The following ZNRF3 variants were observed in gnomAD, a reference collection of about 807,000 sequenced individuals.
The protein encoded by ZNRF3 is zinc and ring finger 3, also known as E3 ubiquitin-protein ligase ZNRF3.
In ZNRF3, 23 loss-of-function variants were observed where a neutral mutation model predicts 72.5. The ratio of observed to expected loss-of-function variants is 0.32; its 90% CI spans 0.23 to 0.45. The LOEUF (loss-of-function observed/expected upper bound fraction) is 0.45, where lower values mean the gene tolerates loss of function less well. Among genes scored for constraint, ZNRF3 ranks in the 20% least tolerant of loss-of-function variants. The pLI, the probability that ZNRF3 is intolerant of heterozygous loss-of-function variation, is 1.00. For missense variants in ZNRF3, 1,169 were observed against 1,272.1 expected (o/e 0.92, Z 1.23); for synonymous variants, 610 against 545.3 (o/e 1.12, Z -1.65).
At chr22:28,910,524 G>A (rs1417251013) in intron 1 of ZNRF3, among the ~76,000 whole-genome samples, 3 of 152,194 alleles carry the variant, frequency 2.0e-5, no homozygotes, top group African/African-American at 7.2e-5. Context: ...GTCTGGCTGT[G>A]GTTTGCTTTC....
chr22:28,899,641 A>G (rs896644161), intron 1 of ZNRF3, among the ~76,000 whole-genome samples: 3 of 150,140 alleles, frequency 2.0e-5, no homozygotes, highest in African/African-American at 7.3e-5. Flanking sequence ...AATTCTTACT[A>G]TGTGCTCAGA....
At chr22:29,011,616 A>G (rs1288629478) in intron 2 of ZNRF3, among the ~76,000 whole-genome samples, 1 of 152,260 alleles carries the variant, frequency 6.6e-6, no homozygotes, top group Non-Finnish European at 1.5e-5. Context: ...GATTGTTCAC[A>G]CAGCTAAGCT....
chr22:28,965,669 C>T (rs1201476934), intron 1 of ZNRF3, among the ~76,000 whole-genome samples: 1 of 152,186 alleles, frequency 6.6e-6, no homozygotes, highest in Non-Finnish European at 1.5e-5. Context: ...GACAGAAGGG[C>T]TGGCAGGGAT....
chr22:28,985,123 C>G (rs2035832745), intron 1 of ZNRF3, among the ~76,000 whole-genome samples: 1 of 152,178 alleles, frequency 6.6e-6, no homozygotes, highest in South Asian at 2.1e-4. Flanking sequence ...CCTTTGCCCT[C>G]CACTCGTTGC....
rs2037108354 is a variant in ZNRF3, at chr22:29,048,141, G to T, written c.913-248G>T. On this transcript the variant is annotated intron_variant, in intron 6 of 8. Coordinates refer to ENST00000544604, the MANE Select transcript of ZNRF3 (RefSeq NM_001206998.2). The surrounding 1 kb of genome is among the most constrained non-coding windows in gnomAD (Gnocchi z 4.9). The stretch of plus-strand genomic sequence containing the variant: ...TCCTCCAGCTACGGGAAAGACGCCT[G>T]CCTCTGTGCGTGCCCACTCCCTTAA... Among the ~76,000 whole-genome samples the T allele has an allele frequency of 6.6e-6, 1 of 152,166 alleles. No homozygotes were observed. Among genetic ancestry groups the T allele is most frequent in the Non-Finnish European group, 1.5e-5 (1 of 68,008 alleles).
At chr22:28,979,920 G>C (rs957127757) in intron 1 of ZNRF3, among the ~76,000 whole-genome samples, 1 of 152,210 alleles carries the variant, frequency 6.6e-6, no homozygotes, top group East Asian at 1.9e-4. Flanking sequence ...AGAAAGCTCC[G>C]TGGAAGGGGT....
chr22:29,009,309 C>G (rs1165234384), intron 2 of ZNRF3, among the ~76,000 whole-genome samples: 1 of 152,008 alleles, frequency 6.6e-6, no homozygotes, highest in Non-Finnish European at 1.5e-5. Flanking sequence ...TATCCCAGAG[C>G]CAGTCAAAAA....
rs1392467728 is a variant in ZNRF3, at chr22:29,046,723, T to A, written c.752T>A (p.Met251Lys). Residue 251 changes from methionine (M) to lysine (K), a missense_variant, in exon 6 of 9, where the codon ATG becomes AAG. By Grantham distance (95) the Met-to-Lys change is moderately conservative (BLOSUM62 -1). Coordinates refer to ENST00000544604, the MANE Select transcript of ZNRF3 (RefSeq NM_001206998.2). ...CTACATTCTGCCCTGCAGAATTCCA[T>A]GAACAGGCTGGCTGTGCAGGCTCTA... ...KLKQRRSQNS[M>K]NRLAVQALEK... 1 of 1,604,128 alleles carries A rather than the reference T, an allele frequency of 6.2e-7. No individual in the cohort carries two copies. Among genetic ancestry groups the A allele is most frequent in the Admixed American group, 1.7e-5 (1 of 58,986 alleles).
chr22:28,950,073 G>A (rs954080158), intron 1 of ZNRF3, among the ~76,000 whole-genome samples: 11 of 152,084 alleles, frequency 7.2e-5, no homozygotes, highest in African/African-American at 2.7e-4. Context: ...TCAATTCCAA[G>A]TATACAATGA....
intron 1 of ZNRF3, among the ~76,000 whole-genome samples, chr22:28,920,394 CTGAG>C (rs909524271): frequency 4.6e-5 from 7 of 152,108 alleles, no homozygotes. Context: ...CCTCAGTCTC[CTGAG>C]TGGCTGGGAT....
intron 1 of ZNRF3, among the ~76,000 whole-genome samples, chr22:28,916,915 A>G (rs1397754900): frequency 2.0e-5 from 3 of 152,108 alleles, no homozygotes; most frequent in Non-Finnish European, 4.4e-5. Context: ...TGCTTTGACT[A>G]TACCGCCCAG....
At chr22:28,976,209 C>G (rs1337574164) in intron 1 of ZNRF3, among the ~76,000 whole-genome samples, 1 of 152,162 alleles carries the variant, frequency 6.6e-6, no homozygotes, top group East Asian at 1.9e-4. Flanking sequence ...GAGCGAAGAT[C>G]ATGCCACTGC....
rs1284683104 is a variant in ZNRF3 at position 29,044,762 on chromosome 22, G to T, written c.634-18G>T. On this transcript the variant is annotated intron_variant, in intron 4 of 8. Transcript: ENST00000544604. ...CTGGAGAGAGGCTGTGACTCACTGT[G>T]TCTGTGTTCCGTTCCAGCAACCCAC... 1.4e-5 allele frequency: 22 copies of T among 1,577,540 alleles called. No individual in the cohort carries two copies. The highest frequency in any genetic ancestry group is 1.7e-5 in the Non-Finnish European group (19 of 1,146,616).
intron 1 of ZNRF3, among the ~76,000 whole-genome samples, chr22:28,910,138 C>T (rs902228370): frequency 7.3e-5 from 11 of 151,032 alleles, no homozygotes; most frequent in African/African-American, 1.7e-4. Flanking sequence ...TGGGTTCAAG[C>T]GATTCTCCTG....
rs546711145 is a variant in ZNRF3, at chr22:29,050,394, A to C, written c.2213A>C (p.His738Pro). The C allele has an allele frequency of 1.0e-4, 162 of 1,604,844 alleles. 2 individuals carry two copies. In the South Asian group the frequency reaches 1.6e-3, roughly 16 times the overall value. ...AGCAGCACCTTGTTCCTGGGGCCCCACCTCTACGAGGGCTCTGGCCCGGCG... is the reference window on the plus strand; with the variant it reads ...AGCAGCACCTTGTTCCTGGGGCCCCCCCTCTACGAGGGCTCTGGCCCGGCG... ...AGSSTLFLGPHLYEGSGPAGG... is the reference protein window; with the variant it reads ...AGSSTLFLGPPLYEGSGPAGG... The change falls in exon 8 of 9, where the codon CAC becomes CCC. Residue 738 changes from histidine to proline, a missense_variant. Coordinates refer to ENST00000544604, the MANE Select transcript of ZNRF3 (RefSeq NM_001206998.2).
chr22:28,894,274 T>C (rs1371690644), intron 1 of ZNRF3, among the ~76,000 whole-genome samples: 1 of 151,796 alleles, frequency 6.6e-6, no homozygotes, highest in Non-Finnish European at 1.5e-5. Context: ...TTCTCAAAAA[T>C]ACAAAATGTC....
At chr22:29,042,416 A>G in intron 2 of ZNRF3, 79 bp from the exon 3 acceptor site, 2 of 1,184,284 alleles carry the variant, frequency 1.7e-6, no homozygotes, top group Non-Finnish European at 2.5e-6. Context: ...GCATTTGATT[A>G]CAGGCCTGAT....
intron 2 of ZNRF3, among the ~76,000 whole-genome samples, chr22:29,034,811 G>A (rs1180243113): frequency 6.6e-6 from 1 of 152,150 alleles, no homozygotes; most frequent in Non-Finnish European, 1.5e-5. Flanking sequence ...AGCACCATGG[G>A]CAGGATGTGT....
At chr22:29,052,691 C>T (rs947755547) in intron 8 of ZNRF3, among the ~76,000 whole-genome samples, 2 of 118,252 alleles carry the variant, frequency 1.7e-5, no homozygotes, top group African/African-American at 6.3e-5. Flanking sequence ...GACTCCGTCT[C>T]AAAAAAAAAA....
Sources: gnomAD v4.1 joint callset for allele counts (sites outside exome capture counted in the v4.1 genomes callset) on GRCh38, gnomAD v4.1.1 for gene constraint, Gnocchi (gnomAD v3.1) non-coding constraint, MANE v1.5 for transcripts, NCBI Gene and HGNC (gene_info 2026-07-23, HGNC 2026-07-21) for gene names.